KPNA3: variants seen among roughly 807,000 people sequenced by gnomAD.
KPNA3 encodes the protein importin subunit alpha-4.
A neutral mutation model predicts 73.8 loss-of-function variants in KPNA3; 13 were observed. The observed-to-expected ratio is 0.18, with a 90% confidence interval of 0.11 to 0.28. KPNA3 has a LOEUF of 0.28. KPNA3 is among the 10% of genes least tolerant of loss of function. KPNA3 has a pLI of 1.00. For missense variants in KPNA3, 360 were observed against 618.1 expected (o/e 0.58, Z 4.43); for synonymous variants, 186 against 206.9 (o/e 0.90, Z 0.87).
At chr13:49,772,004 T>C (rs1022360043) in intron 1 of KPNA3, among the ~76,000 whole-genome samples, 6 of 152,242 alleles carry the variant, frequency 3.9e-5, no homozygotes, top group South Asian at 2.1e-4. Flanking sequence ...TAAAATACAA[T>C]TGATTTTGTA....
At position 49,701,412 on chromosome 13, in the gene KPNA3, A is replaced by G. The variant is rs1954146368; in HGVS notation, c.*388T>C. On this transcript the variant is annotated 3_prime_UTR_variant, in exon 17 of 17. Transcript: ENST00000261667. The stretch of plus-strand genomic sequence containing the variant: ...CTTTAGTCTTCCAACTTGTATATGC[A>G]TCATACCAAAGTGTCTTGATCCACA... The G allele has an allele frequency of 2.2e-6, 1 of 458,764 alleles. No individual in the cohort carries two copies. Among genetic ancestry groups the G allele is most frequent in the Admixed American group, 2.4e-5 (1 of 41,182 alleles). The allele number at this position is 458,764 out of a possible 1,614,324, so 28.4% of individuals were successfully genotyped here.
At chr13:49,726,932 GAC>G (rs897636478) in intron 6 of KPNA3, among the ~76,000 whole-genome samples, 1 of 152,000 alleles carries the variant, frequency 6.6e-6, no homozygotes, top group African/African-American at 2.4e-5. Context: ...CAGCCTGGGT[GAC>G]AGAGTGAAAC....
At chr13:49,746,190 T>C (rs1415727589) in intron 2 of KPNA3, among the ~76,000 whole-genome samples, 3 of 151,902 alleles carry the variant, frequency 2.0e-5, no homozygotes, top group Non-Finnish European at 4.4e-5. Context: ...GGGCCAGGCA[T>C]GGCAGCTCAC....
At chr13:49,730,773 C>A (rs1594440194) in intron 6 of KPNA3, among the ~76,000 whole-genome samples, 1 of 111,814 alleles carries the variant, frequency 8.9e-6, no homozygotes, top group East Asian at 3.6e-4. Flanking sequence ...TCCCCCCTCC[C>A]CCCTATTTAT....
intron 2 of KPNA3, among the ~76,000 whole-genome samples, chr13:49,739,479 G>A (rs1954553746): frequency 6.6e-6 from 1 of 152,210 alleles, no homozygotes; most frequent in African/African-American, 2.4e-5. Context: ...AGGTACAGAT[G>A]TGTGTTTAAG....
At chr13:49,712,138 C>T (rs1202371274) in intron 10 of KPNA3, among the ~76,000 whole-genome samples, 1 of 152,110 alleles carries the variant, frequency 6.6e-6, no homozygotes, top group Non-Finnish European at 1.5e-5. Context: ...ACTGCCCACC[C>T]TGGCAGTAAC....
chr13:49,787,787 C>T (rs1954996721), intron 1 of KPNA3, among the ~76,000 whole-genome samples: 2 of 151,898 alleles, frequency 1.3e-5, no homozygotes, highest in African/African-American at 2.4e-5. Context: ...TCACGCCATT[C>T]TCCTGCCTCA....
intron 10 of KPNA3, among the ~76,000 whole-genome samples, chr13:49,712,111 G>C (rs1001811202): frequency 8.5e-5 from 13 of 152,292 alleles, no homozygotes; most frequent in Admixed American, 3.9e-4. Flanking sequence ...TGCTGGGTCT[G>C]AGAACAAAGT....
intron 1 of KPNA3, among the ~76,000 whole-genome samples, chr13:49,763,505 A>C (rs1194471868): frequency 6.6e-6 from 1 of 152,240 alleles, no homozygotes; most frequent in Non-Finnish European, 1.5e-5. Flanking sequence ...AATTTTCCAG[A>C]ATTGATAAAA....
intron 10 of KPNA3, among the ~76,000 whole-genome samples, chr13:49,713,658 C>T (rs1481017750): frequency 2.0e-5 from 3 of 151,430 alleles, no homozygotes; most frequent in Non-Finnish European, 4.4e-5. Context: ...CACACACACA[C>T]ACACACACAC....
At chr13:49,709,116 A>G (rs9526592) in intron 12 of KPNA3, among the ~76,000 whole-genome samples, 37,777 of 152,052 alleles carry the variant, frequency 0.25, 5,348 homozygotes, top group Non-Finnish European at 0.32. Flanking sequence ...TTAAAAGTTG[A>G]AAAAGGCTGG....
chr13:49,701,543 A>C lies in KPNA3; in HGVS notation c.*257T>G. ...AGTTGTCAGCCTGTGGCACCAGGGA[A>C]CAGGGAAAAATAGGGTAGTTGAGAT... On this transcript the variant is annotated 3_prime_UTR_variant, in exon 17 of 17. Coordinates refer to ENST00000261667, the MANE Select transcript of KPNA3 (RefSeq NM_002267.4). 2 of 554,804 alleles carry C rather than the reference A, an allele frequency of 3.6e-6. No homozygotes were observed. Among genetic ancestry groups the C allele is most frequent in the East Asian group, 4.6e-5 (1 of 21,898 alleles). The allele number at this position is 554,804 out of a possible 1,614,324, so 34.4% of individuals were successfully genotyped here.
At chr13:49,734,950 T>TAG (rs879944192) in intron 2 of KPNA3, among the ~76,000 whole-genome samples, 980 of 76,144 alleles carry the variant, frequency 0.013, 8 homozygotes, top group African/African-American at 0.028. Context: ...GAGAGAGAGA[T>TAG]AGATAGAGAG....
At chr13:49,736,669 G>A (rs1954523769) in intron 2 of KPNA3, among the ~76,000 whole-genome samples, 1 of 152,124 alleles carries the variant, frequency 6.6e-6, no homozygotes, top group Non-Finnish European at 1.5e-5. Context: ...ATTTTATTCA[G>A]ACTTCTCGTT....
chr13:49,766,756 C>T (rs1010151433), intron 1 of KPNA3, among the ~76,000 whole-genome samples: 1 of 152,064 alleles, frequency 6.6e-6, no homozygotes. Context: ...AAAAATATAG[C>T]AGGGGGTGGA....
intron 10 of KPNA3, among the ~76,000 whole-genome samples, chr13:49,715,365 C>T (rs982210805): frequency 3.3e-5 from 5 of 151,994 alleles, no homozygotes; most frequent in Admixed American, 2.0e-4. Flanking sequence ...CTAGTCTGTT[C>T]GCAAAGATAC....
intron 1 of KPNA3, among the ~76,000 whole-genome samples, chr13:49,782,787 G>C (rs957188696): frequency 4.6e-5 from 7 of 151,986 alleles, no homozygotes; most frequent in Non-Finnish European, 7.4e-5. Context: ...ACTCGAGCCT[G>C]GGAAGTTAAG....
intron 10 of KPNA3, among the ~76,000 whole-genome samples, chr13:49,717,711 G>GT (rs1954318513): frequency 6.6e-6 from 1 of 152,168 alleles, no homozygotes; most frequent in South Asian, 2.1e-4. Flanking sequence ...CAAGAATTTT[G>GT]TAAGAATTAA....
At chr13:49,722,629 A>ATTTCTTTGATCTG in intron 7 of KPNA3, 66 bp from the exon 8 acceptor site, 1 of 996,956 alleles carries the variant, frequency 1.0e-6, no homozygotes, top group Non-Finnish European at 1.5e-6. Context: ...TTTCAGATCA[A>ATTTCTTTGATCTG]AGAAATTGAT....
Sources: gnomAD v4.1 joint callset for allele counts (sites outside exome capture counted in the v4.1 genomes callset) on GRCh38, gnomAD v4.1.1 for gene constraint, MANE v1.5 for transcripts, NCBI Gene and HGNC (gene_info 2026-07-23, HGNC 2026-07-21) for gene names.